The following EIF4E1B variants were observed in gnomAD, a reference collection of about 807,000 sequenced individuals.
The protein encoded by EIF4E1B is eukaryotic translation initiation factor 4E type 1B.
In EIF4E1B, 22 loss-of-function variants were observed where a neutral mutation model predicts 31.3. The observed-to-expected ratio is 0.70, with a 90% CI of 0.50 to 1.00. The LOEUF is 1.00. EIF4E1B is among the 50% of genes least tolerant of loss of function. The pLI is 0.00. For synonymous variants in EIF4E1B, 126 were observed against 120.2 expected (o/e 1.05, Z -0.31); for missense variants, 290 against 311.6 (o/e 0.93, Z 0.52).
intron 3 of EIF4E1B, 103 bp from the exon 4 acceptor site, chr5:176,642,979 A>C (rs975036344): frequency 8.1e-5 from 122 of 1,506,618 alleles, no homozygotes; most frequent in Non-Finnish European, 1.0e-4. Context: ...AGGCCTTGTG[A>C]GTCCCCTGCC....
chr5:176,644,483 G>A, intron 6 of EIF4E1B, 44 bp downstream of exon 6: 2 of 1,375,934 alleles, frequency 1.5e-6, no homozygotes, highest in Middle Eastern at 1.8e-4. Context: ...GGGACAAGGG[G>A]TTGATCCCTC....
intron 1 of EIF4E1B, among the ~76,000 whole-genome samples, chr5:176,633,316 C>G (rs1318730997): frequency 6.6e-6 from 1 of 152,070 alleles, no homozygotes; most frequent in African/African-American, 2.4e-5. Flanking sequence ...TTACTGCAGC[C>G]TCGAACTCCT....
chr5:176,642,842 C>T, intron 3 of EIF4E1B, 40 bp downstream of exon 3: 3 of 1,439,282 alleles, frequency 2.1e-6, no homozygotes, highest in Non-Finnish European at 2.8e-6. Context: ...GCACCATGGC[C>T]CCGCCCTCTC....
In EIF4E1B at chr5:176,642,720, C is replaced by G. The variant is rs373254210; in HGVS notation, c.-68C>G. ...GACGCTTACCTTCAGGTCTTGGCCC[C>G]CATGGTGTGGGGCTTGGTCACAGCT... On this transcript the variant is annotated 5_prime_UTR_variant, in exon 3 of 9. Coordinates refer to ENST00000318682, the MANE Select transcript of EIF4E1B (RefSeq NM_001099408.2). 1.3e-6 allele frequency: 2 copies of G among 1,549,870 alleles called. No individual in the cohort carries two copies. The highest frequency in any genetic ancestry group is 1.7e-6 in the Non-Finnish European group (2 of 1,146,364).
At chr5:176,644,003 C>T (rs1442426981) in intron 5 of EIF4E1B, 3 of 564,004 alleles carry the variant, frequency 5.3e-6, no homozygotes, top group Non-Finnish European at 9.4e-6. Context: ...GTTCCTTCCC[C>T]TCTCTGAACC....
chr5:176,638,638 G>T lies in EIF4E1B; in HGVS notation c.-201-3405G>T, dbSNP rs537557887. The stretch of plus-strand genomic sequence containing the variant: ...TGCAGAGGAAACTGCAAGTGCAAAG[G>T]CCCTGAGGCAGGAACAAATCTAGCC... On this transcript the variant is annotated intron_variant, in intron 1 of 8. Transcript: ENST00000318682. The surrounding 1 kb of genome is among the most constrained non-coding windows in gnomAD (Gnocchi z 4.3). Among the ~76,000 whole-genome samples the T allele has an allele frequency of 2.0e-5, 3 of 152,318 alleles. No homozygotes were observed. Among genetic ancestry groups the T allele is most frequent in the Admixed American group, 6.5e-5 (1 of 15,298 alleles).
At position 176,645,918 on chromosome 5, in the gene EIF4E1B, C is replaced by T; in HGVS notation, c.667C>T (p.Gln223Ter). ...GLSPKTIIGY[Q>*]AHADTATKSN... is the part of the protein sequence containing the mutation. ...CTCCCCAAAGACCATCATTGGGTACCAGGCCCATGCAGACACAGCCACCAA... is the reference window on the plus strand; with the variant it reads ...CTCCCCAAAGACCATCATTGGGTACTAGGCCCATGCAGACACAGCCACCAA... Residue 223 changes from glutamine (Q) to a stop codon, truncating the protein, a stop_gained, in exon 9 of 9, where the codon CAG becomes TAG. Coordinates refer to ENST00000318682, the MANE Select transcript of EIF4E1B (RefSeq NM_001099408.2). LOFTEE classifies it high-confidence loss of function. The surrounding 1 kb of genome is among the most constrained non-coding windows in gnomAD (Gnocchi z 5.4). 1 of 1,610,088 alleles carries T rather than the reference C, an allele frequency of 6.2e-7. No individual in the cohort carries two copies. Among genetic ancestry groups the T allele is most frequent in the Non-Finnish European group, 8.5e-7 (1 of 1,178,236 alleles).
chr5:176,634,670 T>C (rs911061862), intron 1 of EIF4E1B, among the ~76,000 whole-genome samples: 2 of 138,554 alleles, frequency 1.4e-5, no homozygotes, highest in African/African-American at 5.2e-5. Context: ...TTTTTTTTTT[T>C]TTCTTTTTTT....
Position 176,645,693 on chromosome 5 carries a change from G to A in EIF4E1B, c.615-173G>A, listed in dbSNP as rs755284835. The A allele has an allele frequency of 3.1e-5, 35 of 1,142,204 alleles. No homozygotes were observed. The highest frequency in any genetic ancestry group is 8.9e-5 in the Admixed American group (3 of 33,884). 70.8% of individuals were successfully genotyped at this position (1,142,204 alleles called of 1,614,324 possible). On this transcript the variant is annotated intron_variant, in intron 8 of 8. Transcript: ENST00000318682. This position sits in a 1 kb window ranked among gnomAD's most constrained non-coding sequence, Gnocchi z 5.4. Reference sequence around the variant, plus strand: ...AGATTTCTAACTTTCTCTTACGGCAGTGCAGCTCTCCTTTTGCATTAAGGG... The same window carrying A: ...AGATTTCTAACTTTCTCTTACGGCAATGCAGCTCTCCTTTTGCATTAAGGG...
rs1008264834 is a variant in EIF4E1B, at chr5:176,644,412, C to A, written c.333C>A (p.Ser111=). 2.5e-6 allele frequency: 4 copies of A among 1,596,282 alleles called. No individual in the cohort carries two copies. In the Admixed American group the frequency reaches 5.2e-5, roughly 21 times the overall value. Residue 111 remains serine (S), a synonymous_variant, in exon 6 of 9, where the codon TCC becomes TCA. Transcript: ENST00000318682. ...YSHIQLASKL[S]SGCDYALFKD... is the part of the protein sequence containing the mutation. ...ACATCCAGCTGGCCAGCAAGCTCTCCTCTGGCTGTGACTACGCCCTCTTCA... is the reference window on the plus strand; with the variant it reads ...ACATCCAGCTGGCCAGCAAGCTCTCATCTGGCTGTGACTACGCCCTCTTCA...
intron 3 of EIF4E1B, 76 bp from the exon 4 acceptor site, chr5:176,643,006 G>C: frequency 6.5e-7 from 1 of 1,533,882 alleles, no homozygotes; most frequent in African/African-American, 1.4e-5. Context: ...TCCTGGAGCA[G>C]GGGATGGGCA....
chr5:176,643,532 C>T, intron 4 of EIF4E1B, 107 bp from the exon 5 acceptor site: 18 of 1,086,198 alleles, frequency 1.7e-5, no homozygotes, highest in Non-Finnish European at 2.4e-5. Context: ...CAAATCTCAT[C>T]TCCCAGTTCG....
Position 176,645,194 on chromosome 5 carries a change from T to A in EIF4E1B, c.425T>A (p.Leu142Gln). ...CGGGGTGGCCGCTGGCTGGTCAGCC[T>A]GGCCAAGCAGCAGCGCCACATTGAG... ...NKRGGRWLVS[L>Q]AKQQRHIELD... Residue 142 changes from leucine to glutamine, a missense_variant, in exon 7 of 9, where the codon CTG becomes CAG. Coordinates refer to ENST00000318682, the MANE Select transcript of EIF4E1B (RefSeq NM_001099408.2). The surrounding 1 kb of genome is among the most constrained non-coding windows in gnomAD (Gnocchi z 5.4). The A allele has an allele frequency of 6.3e-7, 1 of 1,586,158 alleles. No homozygotes were observed. The highest frequency in any genetic ancestry group is 1.8e-5 in the Admixed American group (1 of 55,114).
chr5:176,639,258 G>A (rs1435922834), intron 1 of EIF4E1B, among the ~76,000 whole-genome samples: 1 of 152,222 alleles, frequency 6.6e-6, no homozygotes, highest in Admixed American at 6.5e-5. Context: ...CTGGAGTCAG[G>A]GGAGTTGGGA....
At chr5:176,641,265 C>T (rs1378973124) in intron 1 of EIF4E1B, among the ~76,000 whole-genome samples, 4 of 152,146 alleles carry the variant, frequency 2.6e-5, no homozygotes, top group East Asian at 1.9e-4. Flanking sequence ...GACGTCAAGA[C>T]GGCAGTGAGC....
intron 5 of EIF4E1B, chr5:176,644,055 G>A (rs946413174): frequency 1.4e-5 from 8 of 554,140 alleles, no homozygotes; most frequent in Non-Finnish European, 2.6e-5. Context: ...CTCAGTGTCC[G>A]GGTGCTCACG....
Position 176,645,919 on chromosome 5 carries a change from A to T in EIF4E1B, c.668A>T (p.Gln223Leu). 1 of 1,609,904 alleles carries T rather than the reference A, an allele frequency of 6.2e-7. No individual in the cohort carries two copies. Residue 223 changes from glutamine (Q) to leucine (L), a missense_variant, in exon 9 of 9, where the codon CAG becomes CTG. Gln to Leu is a moderately radical substitution (Grantham distance 113). Transcript: ENST00000318682. This position sits in a 1 kb window ranked among gnomAD's most constrained non-coding sequence, Gnocchi z 5.4. ...GLSPKTIIGY[Q>L]AHADTATKSN... ...TCCCCAAAGACCATCATTGGGTACCAGGCCCATGCAGACACAGCCACCAAG... is the reference window on the plus strand; with the variant it reads ...TCCCCAAAGACCATCATTGGGTACCTGGCCCATGCAGACACAGCCACCAAG...
In EIF4E1B at chr5:176,638,764, GGTTT is replaced by G. The variant is rs61081946; in HGVS notation, c.-201-3254_-201-3251del. ...TGGATCACATCCTGGGTGTCCTGGA[GGTTT>G]GTTTGTTTGTTTGTTTGTTTGTTTA... On this transcript the variant is annotated intron_variant, in intron 1 of 8. Coordinates refer to ENST00000318682, the MANE Select transcript of EIF4E1B (RefSeq NM_001099408.2). This position sits in a 1 kb window ranked among gnomAD's most constrained non-coding sequence, Gnocchi z 4.3. Among the ~76,000 whole-genome samples, 238 of 152,010 alleles carry G rather than the reference GGTTT, an allele frequency of 1.6e-3. No individual in the cohort carries two copies. The highest frequency in any genetic ancestry group is 3.5e-3 in the South Asian group (17 of 4,818).
chr5:176,638,616 A>G lies in EIF4E1B; in HGVS notation c.-201-3427A>G, dbSNP rs1349554667. 6.6e-6 allele frequency among the ~76,000 whole-genome samples: 1 copy of G among 152,224 alleles called. No individual in the cohort carries two copies. The highest frequency in any genetic ancestry group is 2.4e-5 in the African/African-American group (1 of 41,456). On this transcript the variant is annotated intron_variant, in intron 1 of 8. Transcript: ENST00000318682. The surrounding 1 kb of genome is among the most constrained non-coding windows in gnomAD (Gnocchi z 4.3). Reference sequence around the variant, plus strand: ...AAGGAGAAGTTCTGTAAAAAGTTGCAGAGGAAACTGCAAGTGCAAAGGCCC... The same window carrying G: ...AAGGAGAAGTTCTGTAAAAAGTTGCGGAGGAAACTGCAAGTGCAAAGGCCC...
Sources: allele counts gnomAD v4.1 joint callset (sites outside exome capture counted in the v4.1 genomes callset), GRCh38; gene constraint gnomAD v4.1.1; non-coding constraint Gnocchi (gnomAD v3.1); transcripts MANE v1.5; gene names NCBI Gene and HGNC (gene_info 2026-07-23, HGNC 2026-07-21).